Variants in PSMG4 observed in about 807,000 individuals in gnomAD.
The protein encoded by PSMG4 is proteasome (prosome, macropain) assembly chaperone 4.
PSMG4 carries 10 observed loss-of-function variants against 11.0 expected under a neutral mutation model. The ratio of observed to expected loss-of-function variants is 0.91; its 90% CI spans 0.56 to 1.54. The LOEUF (loss-of-function observed/expected upper bound fraction) is 1.54. Among genes scored for constraint, PSMG4 ranks in the 40% most tolerant of loss-of-function variants. The pLI is 0.00. For missense variants in PSMG4, 198 were observed against 160.9 expected (o/e 1.23, Z -1.25); for synonymous variants, 95 against 71.3 (o/e 1.33, Z -1.68).
intron 1 of PSMG4, among the ~76,000 whole-genome samples, chr6:3,260,468 C>T (rs1036797483): frequency 8.6e-5 from 13 of 151,642 alleles, no homozygotes; most frequent in African/African-American, 3.1e-4. Flanking sequence ...TTTGTAGTTT[C>T]AGTAGAGCTG....
chr6:3,255,031 C>T (rs554011033), upstream of PSMG4: 46 of 1,549,388 alleles, frequency 3.0e-5, 2 homozygotes, highest in Admixed American at 5.9e-4. Flanking sequence ...GATAATGGCG[C>T]TTTCTGATTC....
At chr6:3,261,073 C>T (rs920790633) in intron 1 of PSMG4, among the ~76,000 whole-genome samples, 1 of 152,152 alleles carries the variant, frequency 6.6e-6, no homozygotes, top group African/African-American at 2.4e-5. Flanking sequence ...GAGTGAGGCC[C>T]CCTCAGCGAG....
At chr6:3,255,267 GC>G (rs766886367), upstream of PSMG4, 46 of 1,545,268 alleles carry the variant, frequency 3.0e-5, no homozygotes, top group Middle Eastern at 6.6e-4. Context: ...TGTTACCACG[GC>G]TGTCTTACGG....
chr6:3,263,721 C>T lies in PSMG4; in HGVS notation c.212C>T (p.Thr71Ile). Residue 71 changes from threonine (T) to isoleucine (I), a missense_variant, in exon 2 of 3, where the codon ACT becomes ATT. Coordinates refer to ENST00000438998, the MANE Select transcript of PSMG4 (RefSeq NM_001128591.2). ...GTGTCTACCTCCCTCCTTGGAGACA[C>T]TTCCGACACGACCTCTACTGGCCTT... ...IPVSTSLLGD[T>I]SDTTSTGLAQ... 1 of 1,551,268 alleles carries T rather than the reference C, an allele frequency of 6.4e-7. No homozygotes were observed. Among genetic ancestry groups the T allele is most frequent in the Non-Finnish European group, 8.7e-7 (1 of 1,146,774 alleles).
At chr6:3,258,843 A>G (rs527704382), upstream of PSMG4, 289 of 511,590 alleles carry the variant, frequency 5.6e-4, 1 homozygote, top group African/African-American at 5.0e-3. Flanking sequence ...CCCCGCCTCG[A>G]CCACGCCCCC....
upstream of PSMG4, among the ~76,000 whole-genome samples, chr6:3,254,458 T>TTC (rs1554128571): frequency 7.0e-6 from 1 of 143,060 alleles, no homozygotes; most frequent in Non-Finnish European, 1.6e-5. Flanking sequence ...CTGCTTTTTT[T>TTC]GTGTGTCTTT....
intron 2 of PSMG4, chr6:3,267,360 G>T: frequency 2.8e-6 from 1 of 357,220 alleles, no homozygotes; most frequent in South Asian, 3.4e-5. Flanking sequence ...AGGCTGCTGA[G>T]GTGGGGCCTG....
chr6:3,264,808 CTCTT>C (rs1758121868), intron 2 of PSMG4: 1 of 156,436 alleles, frequency 6.4e-6, no homozygotes, highest in Non-Finnish European at 1.4e-5. Context: ...CCACCCTTCC[CTCTT>C]TGTGTTTGTA....
chr6:3,254,965 A>C, upstream of PSMG4: 2 of 1,422,794 alleles, frequency 1.4e-6, no homozygotes, highest in Non-Finnish European at 1.9e-6. Flanking sequence ...GTTGCAGAGC[A>C]TGTGATGTGG....
At chr6:3,254,959 C>T (rs375948598), upstream of PSMG4, 65 of 1,387,630 alleles carry the variant, frequency 4.7e-5, no homozygotes, top group South Asian at 7.1e-4. Flanking sequence ...TTGGGTGTTG[C>T]AGAGCATGTG....
chr6:3,260,611 G>A (rs1299669411), intron 1 of PSMG4, among the ~76,000 whole-genome samples: 1 of 152,140 alleles, frequency 6.6e-6, no homozygotes, highest in Non-Finnish European at 1.5e-5. Context: ...AAAGTGCCGG[G>A]ATTATAGGCG....
chr6:3,262,125 C>G (rs554923214), intron 1 of PSMG4, among the ~76,000 whole-genome samples: 38 of 152,304 alleles, frequency 2.5e-4, no homozygotes, highest in African/African-American at 9.1e-4. Context: ...TTGAGGGAAG[C>G]TGGCCTGGGA....
upstream of PSMG4, chr6:3,258,861 G>A (rs1471729688): frequency 3.2e-6 from 2 of 630,188 alleles, no homozygotes; most frequent in Non-Finnish European, 4.5e-6. Context: ...CCCAACCCAA[G>A]CCCGGGATCG....
At chr6:3,254,442 A>G (rs965376214), upstream of PSMG4, among the ~76,000 whole-genome samples, 6 of 77,638 alleles carry the variant, frequency 7.7e-5, no homozygotes, top group South Asian at 3.9e-4. Context: ...GTGCTGTAAT[A>G]GTTTTCTGCT....
In PSMG4 at chr6:3,264,419, A is replaced by G. The variant is rs1581556449; in HGVS notation, c.250+660A>G. On this transcript the variant is annotated intron_variant, in intron 2 of 2. Coordinates refer to ENST00000438998, the MANE Select transcript of PSMG4 (RefSeq NM_001128591.2). ...CTCCTGCCCAGGCCTGGCGTTCTCC[A>G]GTAGGCCCAGCTGCTTCTGCTCTGG... The G allele has an allele frequency of 2.7e-6, 4 of 1,484,206 alleles. No homozygotes were observed. In the African/African-American group the frequency reaches 5.6e-5, roughly 21 times the overall value. The allele number at this position is 1,484,206 out of a possible 1,614,324, so 91.9% of individuals were successfully genotyped here.
rs1293875651 is a variant in PSMG4, at chr6:3,267,927, C to T, written c.*215C>T. 2.3e-6 allele frequency: 1 copy of T among 436,200 alleles called. No individual in the cohort carries two copies. The highest frequency in any genetic ancestry group is 4.2e-6 in the Non-Finnish European group (1 of 238,952). The allele number at this position is 436,200 out of a possible 1,614,324, so 27.0% of individuals were successfully genotyped here. On this transcript the variant is annotated 3_prime_UTR_variant, in exon 3 of 3. Transcript: ENST00000438998. ...GGGCAGTATATACTTCCTCATTTGG[C>T]TGTGAGTGATAGAGGGATGAAATGG...
chr6:3,255,009 T>TG (rs1252079533), upstream of PSMG4: 40 of 1,543,208 alleles, frequency 2.6e-5, no homozygotes, highest in Non-Finnish European at 3.5e-5. Flanking sequence ...CACTCCCATG[T>TG]GGGAGCGCTG....
intron 1 of PSMG4, among the ~76,000 whole-genome samples, chr6:3,263,184 C>T (rs1368472571): frequency 5.3e-5 from 8 of 152,206 alleles, no homozygotes; most frequent in Admixed American, 2.0e-4. Flanking sequence ...ACAAGGCACT[C>T]GCTGACCCTG....
At chr6:3,262,382 T>C (rs1758022925) in intron 1 of PSMG4, among the ~76,000 whole-genome samples, 1 of 152,364 alleles carries the variant, frequency 6.6e-6, no homozygotes, top group South Asian at 2.1e-4. Flanking sequence ...GTACATACTA[T>C]TACCATGCAG....
Sources: allele counts gnomAD v4.1 joint callset (sites outside exome capture counted in the v4.1 genomes callset), GRCh38; gene constraint gnomAD v4.1.1; transcripts MANE v1.5; gene names NCBI Gene and HGNC (gene_info 2026-07-23, HGNC 2026-07-21).